The following SLC35F4 variants were observed in gnomAD, a reference collection of about 807,000 sequenced individuals.
SLC35F4 encodes the protein solute carrier family 35 member F4, also known as chromosome 14 open reading frame 36.
In SLC35F4, 24 loss-of-function variants were observed where a neutral mutation model predicts 44.2. The ratio of observed to expected loss-of-function variants is 0.54; its 90% CI spans 0.39 to 0.76. SLC35F4 has a LOEUF of 0.76. Among genes scored for constraint, SLC35F4 ranks in the 30% least tolerant of loss-of-function variants. SLC35F4 has a pLI of 0.00. For synonymous variants in SLC35F4, 238 were observed against 223.6 expected, an observed-to-expected ratio of 1.06 and a Z score of -0.57; for missense variants, 562 against 586.1, an observed-to-expected ratio of 0.96 and a Z score of 0.42.
chr14:57,654,397 C>A (rs2073891527), intron 1 of SLC35F4, among the ~76,000 whole-genome samples: 1 of 152,178 alleles, frequency 6.6e-6, no homozygotes, highest in South Asian at 2.1e-4. Flanking sequence ...TCAACTCCAT[C>A]CAGGTTGCTG....
intron 2 of SLC35F4, 122 bp downstream of exon 2, chr14:57,593,817 C>A: frequency 1.9e-6 from 2 of 1,058,584 alleles, no homozygotes; most frequent in Non-Finnish European, 1.4e-6. Flanking sequence ...CTTGATAAAG[C>A]TTCCCCACAT....
intron 1 of SLC35F4, among the ~76,000 whole-genome samples, chr14:57,800,298 AAAAC>A (rs1238612604): frequency 6.6e-6 from 1 of 152,214 alleles, no homozygotes; most frequent in Non-Finnish European, 1.5e-5. Context: ...TGTTAAAAGA[AAAAC>A]AAACAGAAAA....
At chr14:57,808,612 A>G (rs1881616183) in intron 1 of SLC35F4, among the ~76,000 whole-genome samples, 2 of 150,030 alleles carry the variant, frequency 1.3e-5, no homozygotes, top group African/African-American at 5.1e-5. Context: ...AGCTTGGGCA[A>G]TATGGCAAGA....
intron 1 of SLC35F4, among the ~76,000 whole-genome samples, chr14:57,757,085 C>T (rs530541365): frequency 2.1e-4 from 32 of 152,208 alleles, no homozygotes; most frequent in Non-Finnish European, 4.3e-4. Flanking sequence ...TTATTAGGTG[C>T]GTGAACATCT....
At chr14:57,650,740 A>G (rs2073749234) in intron 1 of SLC35F4, among the ~76,000 whole-genome samples, 1 of 152,186 alleles carries the variant, frequency 6.6e-6, no homozygotes, top group African/African-American at 2.4e-5. Flanking sequence ...TTAGGCTTAC[A>G]AAGTCCTCCG....
At chr14:57,944,727 G>T (rs1159011881) in intron 1 of SLC35F4, among the ~76,000 whole-genome samples, 1 of 115,934 alleles carries the variant, frequency 8.6e-6, no homozygotes, top group Non-Finnish European at 1.9e-5. Context: ...AAGAAAGAAA[G>T]AAAGAAAGAA....
intron 1 of SLC35F4, among the ~76,000 whole-genome samples, chr14:57,645,744 A>G (rs1475675847): frequency 6.6e-6 from 1 of 151,170 alleles, no homozygotes; most frequent in Non-Finnish European, 1.5e-5. Flanking sequence ...ATTCAGTATG[A>G]TATTGGCTGT....
At chr14:57,602,034 T>C (rs952701449) in intron 1 of SLC35F4, among the ~76,000 whole-genome samples, 2 of 152,178 alleles carry the variant, frequency 1.3e-5, no homozygotes, top group Non-Finnish European at 1.5e-5. Flanking sequence ...GGCAAAAAGG[T>C]TACAATCTTG....
At chr14:57,779,300 A>G (rs910733504) in intron 1 of SLC35F4, among the ~76,000 whole-genome samples, 5 of 152,064 alleles carry the variant, frequency 3.3e-5, no homozygotes, top group Non-Finnish European at 7.4e-5. Flanking sequence ...GATAAAGGAG[A>G]TATTACCACT....
At chr14:57,738,911 G>A (rs2076535731) in intron 1 of SLC35F4, among the ~76,000 whole-genome samples, 1 of 150,932 alleles carries the variant, frequency 6.6e-6, no homozygotes, top group African/African-American at 2.4e-5. Context: ...ATGTGATTCA[G>A]GAGAAATCTA....
chr14:57,706,310 T>C (rs193095101), intron 1 of SLC35F4, among the ~76,000 whole-genome samples: 51 of 152,274 alleles, frequency 3.3e-4, no homozygotes, highest in Middle Eastern at 3.4e-3. Context: ...GAGAAACGGG[T>C]GGAATTGCCA....
chr14:57,611,553 G>A (rs1413606250), intron 1 of SLC35F4, among the ~76,000 whole-genome samples: 1 of 149,064 alleles, frequency 6.7e-6, no homozygotes, highest in Non-Finnish European at 1.5e-5. Flanking sequence ...CAAAAGCAGA[G>A]TCATAGAGCT....
chr14:57,639,574 A>C (rs920608708), intron 1 of SLC35F4, among the ~76,000 whole-genome samples: 1 of 152,050 alleles, frequency 6.6e-6, no homozygotes, highest in Non-Finnish European at 1.5e-5. Flanking sequence ...ATATAATTTT[A>C]AAATATCTCA....
chr14:57,982,193 G>A (rs534926835), upstream of SLC35F4: 5 of 152,336 alleles, frequency 3.3e-5, no homozygotes, highest in Non-Finnish European at 4.4e-5. Context: ...TTAGCTATGA[G>A]TGGAGGAGAC....
At chr14:57,629,622 A>T (rs988806318) in intron 1 of SLC35F4, among the ~76,000 whole-genome samples, 1 of 152,162 alleles carries the variant, frequency 6.6e-6, no homozygotes, top group Non-Finnish European at 1.5e-5. Flanking sequence ...AAATGTGCCC[A>T]TAAATAGAAA....
intron 1 of SLC35F4, among the ~76,000 whole-genome samples, chr14:57,963,060 A>C (rs549458867): frequency 3.3e-5 from 5 of 152,304 alleles, no homozygotes; most frequent in Non-Finnish European, 7.4e-5. Context: ...AAAAATGAGA[A>C]CAGGAGGGAG....
chr14:57,833,149 T>C (rs996940577), intron 1 of SLC35F4, among the ~76,000 whole-genome samples: 1 of 152,202 alleles, frequency 6.6e-6, no homozygotes, highest in African/African-American at 2.4e-5. Flanking sequence ...CACGTTGTTG[T>C]CATTGTCACC....
chr14:57,758,562 G>T (rs2077050060), intron 1 of SLC35F4, among the ~76,000 whole-genome samples: 1 of 151,546 alleles, frequency 6.6e-6, no homozygotes, highest in Admixed American at 6.6e-5. Flanking sequence ...ATTTCTTCTA[G>T]CTTTTCAAAT....
chr14:57,649,004 G>C (rs201979897), intron 1 of SLC35F4, among the ~76,000 whole-genome samples: 20,148 of 152,084 alleles, frequency 0.13, 1,561 homozygotes, highest in East Asian at 0.22. Context: ...CTTGCTGTTT[G>C]TTCACTTCTT....
Sources: allele counts gnomAD v4.1 joint callset (sites outside exome capture counted in the v4.1 genomes callset), GRCh38; gene constraint gnomAD v4.1.1; transcripts MANE v1.5; gene names NCBI Gene and HGNC (gene_info 2026-07-23, HGNC 2026-07-21).